CMTM7: variants seen among roughly 807,000 people sequenced by gnomAD.
CMTM7 encodes CKLF like MARVEL transmembrane domain containing 7.
Under a neutral mutation model 19.3 loss-of-function variants are expected in CMTM7, and 7 were observed. The ratio of observed to expected loss-of-function variants is 0.36; its 90% CI spans 0.21 to 0.68. The LOEUF (loss-of-function observed/expected upper bound fraction) is 0.68. Ranked by LOEUF, CMTM7 falls within the 30% of genes least tolerant of loss-of-function variation. The pLI is 0.60. For synonymous variants in CMTM7, 87 were observed against 99.3 expected (o/e 0.88, Z 0.74); for missense variants, 193 against 232.6 (o/e 0.83, Z 1.11).
chr3:32,441,160 A>T (rs181590932), intron 1 of CMTM7, among the ~76,000 whole-genome samples: 2 of 152,312 alleles, frequency 1.3e-5, no homozygotes, highest in African/African-American at 4.8e-5. Flanking sequence ...TGCATCTGAC[A>T]TGGAGGAACA....
At chr3:32,432,575 C>G (rs564069350) in intron 1 of CMTM7, among the ~76,000 whole-genome samples, 1 of 152,204 alleles carries the variant, frequency 6.6e-6, no homozygotes, top group Non-Finnish European at 1.5e-5. Context: ...CTGCCTGGGT[C>G]CCAGCTCTGG....
At chr3:32,424,645 T>G (rs966825059) in intron 1 of CMTM7, among the ~76,000 whole-genome samples, 4 of 151,664 alleles carry the variant, frequency 2.6e-5, no homozygotes, top group African/African-American at 9.7e-5. Flanking sequence ...AGGTTTTTTT[T>G]TTTTTTGCGG....
rs1440500528 is a variant in CMTM7 at position 32,441,821 on chromosome 3, GTC to G, written c.160-15_160-14del. On this transcript the variant is annotated splice_polypyrimidine_tract_variant and intron_variant, in intron 1 of 4. Coordinates refer to ENST00000334983, the MANE Select transcript of CMTM7 (RefSeq NM_138410.4). ...CGTCTTGGGCAAGCATTTCTCTGATGTCTCTATTTATGTGGCAGGTCACCCTG... is the reference window on the plus strand; with the variant it reads ...CGTCTTGGGCAAGCATTTCTCTGATGTCTATTTATGTGGCAGGTCACCCTG... 44 of 1,611,484 alleles carry G rather than the reference GTC, an allele frequency of 2.7e-5. No individual in the cohort carries two copies. Among genetic ancestry groups the G allele is most frequent in the Non-Finnish European group, 3.6e-5 (43 of 1,178,230 alleles).
chr3:32,400,196 T>G (rs778636098), intron 1 of CMTM7, among the ~76,000 whole-genome samples: 11 of 151,674 alleles, frequency 7.3e-5, no homozygotes, highest in African/African-American at 9.7e-5. Context: ...ATTTTTGTAT[T>G]TTTAGTAGAG....
chr3:32,414,913 G>T (rs1161067252), intron 1 of CMTM7, among the ~76,000 whole-genome samples: 1 of 152,114 alleles, frequency 6.6e-6, no homozygotes, highest in Non-Finnish European at 1.5e-5. Context: ...AGCCTTTCCA[G>T]GTTACACAGC....
At chr3:32,425,555 A>G (rs1258346329) in intron 1 of CMTM7, among the ~76,000 whole-genome samples, 1 of 152,170 alleles carries the variant, frequency 6.6e-6, no homozygotes, top group Non-Finnish European at 1.5e-5. Context: ...TTGTAAATTA[A>G]CATGCTCTGT....
intron 2 of CMTM7, among the ~76,000 whole-genome samples, chr3:32,442,923 C>T (rs1378964190): frequency 6.6e-6 from 1 of 152,164 alleles, no homozygotes; most frequent in Non-Finnish European, 1.5e-5. Context: ...GCTGTCACCT[C>T]CCTACCACTC....
At chr3:32,436,627 C>A (rs1696601863) in intron 1 of CMTM7, among the ~76,000 whole-genome samples, 2 of 152,148 alleles carry the variant, frequency 1.3e-5, no homozygotes, top group Non-Finnish European at 1.5e-5. Context: ...CTTTCTCTCA[C>A]TGAAGTATCA....
At chr3:32,402,248 G>T (rs1696020932) in intron 1 of CMTM7, among the ~76,000 whole-genome samples, 1 of 151,774 alleles carries the variant, frequency 6.6e-6, no homozygotes, top group Non-Finnish European at 1.5e-5. Context: ...GGTGGCTGGG[G>T]CTACAGGCGC....
rs1293333477 is a variant in CMTM7 at position 32,402,551 on chromosome 3, TTTTG to T, written c.159+10490_159+10493del. 2.0e-5 allele frequency among the ~76,000 whole-genome samples: 3 copies of T among 152,322 alleles called. No homozygotes were observed. In the East Asian group the frequency reaches 5.8e-4, roughly 29 times the overall value. Reference sequence around the variant, plus strand: ...TGCTCATTTGTTTTATTTTATTCTATTTTGTTTATTTTATTTTATTTTATTTTTC... The same window carrying T: ...TGCTCATTTGTTTTATTTTATTCTATTTTATTTTATTTTATTTTATTTTTC... On this transcript the variant is annotated intron_variant, in intron 1 of 4. Transcript: ENST00000334983.
intron 1 of CMTM7, among the ~76,000 whole-genome samples, chr3:32,435,308 G>A (rs1251229369): frequency 1.3e-5 from 2 of 152,220 alleles, no homozygotes; most frequent in African/African-American, 4.8e-5. Context: ...GGAGGCTGAG[G>A]CAGGAGAATG....
At chr3:32,394,168 C>G (rs1445035055) in intron 1 of CMTM7, among the ~76,000 whole-genome samples, 2 of 152,292 alleles carry the variant, frequency 1.3e-5, no homozygotes, top group Non-Finnish European at 2.9e-5. Context: ...CTACTTGGGC[C>G]TCTTATCTAA....
intron 3 of CMTM7, chr3:32,451,634 G>A (rs556563830): frequency 5.5e-6 from 1 of 181,672 alleles, no homozygotes; most frequent in South Asian, 1.1e-4. Flanking sequence ...GCAGCTGCCG[G>A]TGTTGTTCAC....
At chr3:32,435,869 A>G (rs542168634) in intron 1 of CMTM7, among the ~76,000 whole-genome samples, 94 of 152,262 alleles carry the variant, frequency 6.2e-4, no homozygotes, top group Non-Finnish European at 1.1e-3. Flanking sequence ...GAAACTTAAT[A>G]TGTGATTCTT....
At chr3:32,398,856 G>A (rs1343435253) in intron 1 of CMTM7, among the ~76,000 whole-genome samples, 3 of 152,056 alleles carry the variant, frequency 2.0e-5, no homozygotes, top group African/African-American at 4.8e-5. Flanking sequence ...GTGGTAGCAC[G>A]TGCCTGTAGT....
chr3:32,422,314 C>T (rs1482251643), intron 1 of CMTM7, among the ~76,000 whole-genome samples: 2 of 152,246 alleles, frequency 1.3e-5, no homozygotes, highest in Admixed American at 6.5e-5. Context: ...CCTACACCCA[C>T]ATTGTGAAAC....
intron 1 of CMTM7, among the ~76,000 whole-genome samples, chr3:32,398,368 C>G (rs1695949897): frequency 6.6e-6 from 1 of 152,070 alleles, no homozygotes; most frequent in Admixed American, 6.5e-5. Context: ...TAAATATCTT[C>G]TGGGAGGTTC....
intron 1 of CMTM7, among the ~76,000 whole-genome samples, chr3:32,421,134 A>G (rs347159): frequency 0.33 from 50,705 of 151,662 alleles, 9,024 homozygotes; most frequent in South Asian, 0.42. Flanking sequence ...TTGCCTTGCT[A>G]GAACTGACAC....
At position 32,391,921 on chromosome 3, in the gene CMTM7, C is replaced by G; in HGVS notation, c.15C>G (p.Ala5=). MSHG[A]GLVRTTCSSG... is the part of the protein sequence containing the mutation. ...GGGGCCGCGCAATGTCGCACGGAGC[C>G]GGGCTCGTCCGCACCACGTGCAGCA... is the stretch of plus-strand genomic sequence containing the variant. The change falls in exon 1 of 5, where the codon GCC becomes GCG. Residue 5 remains alanine (A), a synonymous_variant. Transcript: ENST00000334983. The G allele has an allele frequency of 8.2e-7, 1 of 1,225,466 alleles. No individual in the cohort carries two copies. Among genetic ancestry groups the G allele is most frequent in the Non-Finnish European group, 1.0e-6 (1 of 983,764 alleles). The allele number at this position is 1,225,466 out of a possible 1,614,324, so 75.9% of individuals were successfully genotyped here. A position where few individuals can be genotyped will look rare whatever the true frequency, so the allele number is the denominator to read the frequency against.
Sources: gnomAD v4.1 joint callset for allele counts (sites outside exome capture counted in the v4.1 genomes callset) on GRCh38, gnomAD v4.1.1 for gene constraint, MANE v1.5 for transcripts, NCBI Gene and HGNC (gene_info 2026-07-23, HGNC 2026-07-21) for gene names.